SGCZ: variants seen among roughly 807,000 people sequenced by gnomAD.
The protein encoded by SGCZ is sarcoglycan zeta.
SGCZ carries 40 observed loss-of-function variants against 41.3 expected under a neutral mutation model. The observed-to-expected ratio is 0.97, with a 90% CI of 0.75 to 1.26. The LOEUF (loss-of-function observed/expected upper bound fraction) is 1.26. Ranked by LOEUF, SGCZ falls within the 50% of genes most tolerant of loss-of-function variation. The pLI is 0.00. For missense variants in SGCZ, 552 were observed against 369.8 expected (o/e 1.49, Z -4.04); for synonymous variants, 206 against 137.5 (o/e 1.50, Z -3.49).
chr8:14,521,302 TA>T (rs1348370709), intron 2 of SGCZ, among the ~76,000 whole-genome samples: 1 of 152,112 alleles, frequency 6.6e-6, no homozygotes, highest in African/African-American at 2.4e-5. Context: ...TTCAAATCAT[TA>T]AAATATAACT....
intron 2 of SGCZ, among the ~76,000 whole-genome samples, chr8:14,424,622 G>C (rs1481390082): frequency 7.8e-6 from 1 of 128,522 alleles, no homozygotes; most frequent in African/African-American, 3.5e-5. Flanking sequence ...AGCTTTTGTT[G>C]TCATTTTTAC....
chr8:14,275,406 A>T (rs1467502152), intron 3 of SGCZ, among the ~76,000 whole-genome samples: 2 of 152,148 alleles, frequency 1.3e-5, no homozygotes, highest in African/African-American at 4.8e-5. Flanking sequence ...TCTACTGTAC[A>T]ATCTAAAGGC....
At chr8:14,186,542 A>C (rs1804907829) in intron 4 of SGCZ, among the ~76,000 whole-genome samples, 2 of 152,162 alleles carry the variant, frequency 1.3e-5, no homozygotes, top group East Asian at 3.9e-4. Context: ...AAGAAGACTA[A>C]AGGCACTCCC....
intron 3 of SGCZ, among the ~76,000 whole-genome samples, chr8:14,310,453 T>A (rs1801496969): frequency 6.6e-6 from 1 of 152,178 alleles, no homozygotes; most frequent in East Asian, 1.9e-4. Context: ...ATAAAAAATG[T>A]AACATCATAA....
chr8:14,384,894 A>T (rs1232098002), intron 2 of SGCZ, among the ~76,000 whole-genome samples: 1 of 152,214 alleles, frequency 6.6e-6, no homozygotes, highest in Non-Finnish European at 1.5e-5. Context: ...TGTAAGTCCC[A>T]GTTGAGCAAA....
intron 3 of SGCZ, among the ~76,000 whole-genome samples, chr8:14,259,782 T>C (rs1339374592): frequency 3.3e-5 from 5 of 150,676 alleles, no homozygotes; most frequent in Non-Finnish European, 7.4e-5. Context: ...TAGGATTGAC[T>C]TGGCGATGCG....
At chr8:14,437,954 A>C (rs1800140480) in intron 2 of SGCZ, among the ~76,000 whole-genome samples, 1 of 152,150 alleles carries the variant, frequency 6.6e-6, no homozygotes, top group African/African-American at 2.4e-5. Context: ...ATAGTTTGGC[A>C]TATAAAATCT....
intron 1 of SGCZ, among the ~76,000 whole-genome samples, chr8:14,964,022 C>T (rs762041284): frequency 3.3e-5 from 5 of 152,102 alleles, no homozygotes; most frequent in African/African-American, 7.2e-5. Context: ...TCCTTTAAAT[C>T]CTATGCAAAG....
Position 14,567,184 on chromosome 8 carries a change from G to A in SGCZ, c.40-12258C>T, listed in dbSNP as rs924993121. Among the ~76,000 whole-genome samples, 11 of 152,314 alleles carry A rather than the reference G, an allele frequency of 7.2e-5. No homozygotes were observed. The South Asian group carries it at 8.3e-4, about 11-fold the overall frequency. On this transcript the variant is annotated intron_variant, in intron 1 of 7. Coordinates refer to ENST00000382080, the MANE Select transcript of SGCZ (RefSeq NM_139167.4). ...AGGGAGTCGCCCCCTGCTCCACAGC[G>A]CCGGGTCCCATGGATCGCCCAAGGG...
intron 1 of SGCZ, among the ~76,000 whole-genome samples, chr8:14,816,372 G>A (rs1801903380): frequency 6.6e-6 from 1 of 152,202 alleles, no homozygotes; most frequent in South Asian, 2.1e-4. Context: ...TTAGTTAAGT[G>A]TGTTATGAGT....
chr8:14,643,720 T>C (rs1307385262), intron 1 of SGCZ, among the ~76,000 whole-genome samples: 1 of 151,758 alleles, frequency 6.6e-6, no homozygotes, highest in Non-Finnish European at 1.5e-5. Context: ...CTTGGAAATA[T>C]CTGAAAGATA....
intron 1 of SGCZ, among the ~76,000 whole-genome samples, chr8:14,999,443 G>T (rs1802331025): frequency 6.6e-6 from 1 of 152,130 alleles, no homozygotes; most frequent in Non-Finnish European, 1.5e-5. Context: ...GGAGGAGGAA[G>T]AGGAGGAAAA....
At chr8:14,156,023 A>G (rs970861891) in intron 5 of SGCZ, among the ~76,000 whole-genome samples, 5 of 152,180 alleles carry the variant, frequency 3.3e-5, no homozygotes, top group Non-Finnish European at 5.9e-5. Context: ...GTACACCCCT[A>G]TAGGGCACTT....
intron 1 of SGCZ, among the ~76,000 whole-genome samples, chr8:14,744,059 A>G (rs1460012769): frequency 6.6e-6 from 1 of 152,150 alleles, no homozygotes. Flanking sequence ...GCTGTTGAAT[A>G]GCCACAGGGT....
At chr8:14,106,230 T>C (rs1489171056) in intron 6 of SGCZ, among the ~76,000 whole-genome samples, 1 of 152,216 alleles carries the variant, frequency 6.6e-6, no homozygotes, top group Non-Finnish European at 1.5e-5. Flanking sequence ...TGTATCCTGT[T>C]CTAATGGAAT....
At chr8:14,570,140 C>T (rs908244102) in intron 1 of SGCZ, among the ~76,000 whole-genome samples, 1 of 151,922 alleles carries the variant, frequency 6.6e-6, no homozygotes, top group Admixed American at 6.6e-5. Flanking sequence ...ATATGAAGAC[C>T]GGGACTTTGG....
chr8:15,051,828 A>AG (rs1468576589), intron 1 of SGCZ, among the ~76,000 whole-genome samples: 5 of 152,204 alleles, frequency 3.3e-5, no homozygotes, highest in Non-Finnish European at 5.9e-5. Flanking sequence ...AGCATCAAAA[A>AG]GTCAAACTGC....
At chr8:14,591,581 T>A (rs1563137547) in intron 1 of SGCZ, among the ~76,000 whole-genome samples, 1 of 152,188 alleles carries the variant, frequency 6.6e-6, no homozygotes, top group East Asian at 1.9e-4. Context: ...CAAATTTATT[T>A]TAAGAATCAT....
chr8:14,417,007 T>C (rs1486120332), intron 2 of SGCZ, among the ~76,000 whole-genome samples: 2 of 151,842 alleles, frequency 1.3e-5, no homozygotes, highest in African/African-American at 2.4e-5. Flanking sequence ...ATTGTTATCT[T>C]TGATACTTCT....
Sources: gnomAD v4.1 joint callset for allele counts (sites outside exome capture counted in the v4.1 genomes callset) on GRCh38, gnomAD v4.1.1 for gene constraint, MANE v1.5 for transcripts, NCBI Gene and HGNC (gene_info 2026-07-23, HGNC 2026-07-21) for gene names.